Variants in TONSL observed in about 807,000 individuals in gnomAD.
The protein encoded by TONSL is tonsoku like, DNA repair protein.
In TONSL, 112 loss-of-function variants were observed where a neutral mutation model predicts 147.1. The ratio of observed to expected loss-of-function variants is 0.76; its 90% confidence interval spans 0.65 to 0.89. The LOEUF (loss-of-function observed/expected upper bound fraction) is 0.89. Ranked by LOEUF, TONSL falls within the 40% of genes least tolerant of loss-of-function variation. TONSL has a pLI of 0.00. For synonymous variants in TONSL, 868 were observed against 801.5 expected (o/e 1.08, Z -1.40); for missense variants, 1,883 against 1,864.6 (o/e 1.01, Z -0.18).
Position 144,442,258 on chromosome 8 carries a change from A to G in TONSL, c.733T>C (p.Cys245Arg). The change falls in exon 6 of 26, where the codon TGC (cysteine) becomes CGC (arginine). Residue 245 changes from cysteine to arginine, a missense_variant. By Grantham distance (180) the Cys-to-Arg change is radical. Transcript: ENST00000409379. Reference protein sequence around the residue: ...MRKRFMESECCVVIAQVLQDL... With the variant: ...MRKRFMESECRVVIAQVLQDL... ...GCGGGTACCTGTGCAATAACCACGC[A>G]GCACTCGCTCTCCATGAACCGCTTC... 6.3e-7 allele frequency: 1 copy of G among 1,591,128 alleles called. No individual in the cohort carries two copies. The highest frequency in any genetic ancestry group is 8.6e-7 in the Non-Finnish European group (1 of 1,164,824).
At chr8:144,433,311 C>T (rs1161296006) in intron 22 of TONSL, 10 of 337,888 alleles carry the variant, frequency 3.0e-5, no homozygotes, top group Admixed American at 9.2e-5. Flanking sequence ...ATCCTGACCT[C>T]GTGATCTGCC....
chr8:144,436,783 C>G lies in TONSL; in HGVS notation c.1864G>C (p.Ala622Pro), dbSNP rs1304435890. The G allele has an allele frequency of 1.2e-6, 2 of 1,610,978 alleles. No individual in the cohort carries two copies. The highest frequency in any genetic ancestry group is 1.7e-6 in the Non-Finnish European group (2 of 1,179,716). Residue 622 changes from alanine (A) to proline (P), a missense_variant, in exon 15 of 26, where the codon GCG becomes CCG. Ala to Pro is a conservative substitution (Grantham distance 27). Transcript: ENST00000409379. ...EVAELLLERG[A>P]SVTLRTRKGL... ...TTTCGAGTGCGGAGGGTGACGGACGCCCCCCGTTCAAGCAGCAGCTCAGCC... is the reference window on the plus strand; with the variant it reads ...TTTCGAGTGCGGAGGGTGACGGACGGCCCCCGTTCAAGCAGCAGCTCAGCC...
In TONSL at chr8:144,432,412, G is replaced by A. The variant is rs781938777; in HGVS notation, c.3608C>T (p.Ala1203Val). The A allele has an allele frequency of 6.3e-7, 1 of 1,588,142 alleles. No individual in the cohort carries two copies. The highest frequency in any genetic ancestry group is 8.5e-7 in the Non-Finnish European group (1 of 1,169,756). Residue 1203 changes from alanine to valine, a missense_variant, in exon 23 of 26, where the codon GCC (alanine) becomes GTC (valine). By Grantham distance (64) the Ala-to-Val change is moderately conservative (BLOSUM62 0). Coordinates refer to ENST00000409379, the MANE Select transcript of TONSL (RefSeq NM_013432.5). ...CTGCAGGGTCCTGGCCAGGGCAGGG[G>A]CTCCCAGGGCGTTGTAGGACAGGGA... Reference protein sequence around the residue: ...TLSLSYNALGAPALARTLQSL... With the variant: ...TLSLSYNALGVPALARTLQSL...
chr8:144,432,423 G>T lies in TONSL; in HGVS notation c.3597C>A (p.Asn1199Lys). 1 of 1,581,784 alleles carries T rather than the reference G, an allele frequency of 6.3e-7. No individual in the cohort carries two copies. Among genetic ancestry groups the T allele is most frequent in the African/African-American group, 1.4e-5 (1 of 73,518 alleles). Residue 1199 changes from asparagine to lysine, a missense_variant, in exon 23 of 26, where the codon AAC (asparagine) becomes AAA (lysine). Transcript: ENST00000409379. The stretch of plus-strand genomic sequence containing the variant: ...TGGCCAGGGCAGGGGCTCCCAGGGC[G>T]TTGTAGGACAGGGACAGGGTCTTCA... ...EHLKTLSLSY[N>K]ALGAPALART...
Position 144,435,761 on chromosome 8 carries a change from A to C in TONSL, c.2672T>G (p.Val891Gly), listed in dbSNP as rs141838241. 1 of 1,612,862 alleles carries C rather than the reference A, an allele frequency of 6.2e-7. No homozygotes were observed. The highest frequency in any genetic ancestry group is 8.5e-7 in the Non-Finnish European group (1 of 1,179,914). ...AGCCAGGCTGCTGGGCCCTGCGTTA[A>C]CTGGCGCACTGCAACTCTGCATGCA... ...LTCMQSCSAP[V>G]NAGPSSLASE... The change falls in exon 17 of 26, where the codon GTT (valine) becomes GGT (glycine). Residue 891 changes from valine (V) to glycine (G), a missense_variant. Physicochemically the swap from Val to Gly is moderately radical, Grantham distance 109 (BLOSUM62 -3). Coordinates refer to ENST00000409379, the MANE Select transcript of TONSL (RefSeq NM_013432.5).
rs114816958 is a variant in TONSL, at chr8:144,436,544, G to A, written c.2014+14C>T. The stretch of plus-strand genomic sequence containing the variant: ...AGGCACAGCAACCCCAGGGACAAGG[G>A]ACGCCCTGCTTGCCTTGGCCCGAGG... On this transcript the variant is annotated intron_variant, in intron 16 of 25. Transcript: ENST00000409379. 556 of 1,607,846 alleles carry A rather than the reference G, an allele frequency of 3.5e-4. No individual in the cohort carries two copies. The African/African-American group carries it at 6.9e-3, about 20-fold the overall frequency.
At position 144,430,525 on chromosome 8, in the gene TONSL, C is replaced by G. The variant is rs1399636757; in HGVS notation, c.3822G>C (p.Leu1274=). 3 of 1,610,912 alleles carry G rather than the reference C, an allele frequency of 1.9e-6. No homozygotes were observed. In the Admixed American group the frequency reaches 5.1e-5, roughly 27 times the overall value. Residue 1274 remains leucine (L), a synonymous_variant, in exon 25 of 26, where the codon CTG becomes CTC. Coordinates refer to ENST00000409379, the MANE Select transcript of TONSL (RefSeq NM_013432.5). ...AVRDLCRCLS[L]CPSLISLDLS... is the part of the protein sequence containing the mutation. Reference sequence around the variant, plus strand: ...GATCCAGTGAGATGAGTGAGGGGCACAGAGAGAGACATCTGAGATAACATG... The same window carrying G: ...GATCCAGTGAGATGAGTGAGGGGCAGAGAGAGAGACATCTGAGATAACATG...
At chr8:144,439,540 A>G (rs1823620656) in intron 11 of TONSL, among the ~76,000 whole-genome samples, 1 of 151,848 alleles carries the variant, frequency 6.6e-6, no homozygotes, top group African/African-American at 2.4e-5. Flanking sequence ...CTACCCGCTA[A>G]CCCCGCTCTC....
chr8:144,436,766 G>T lies in TONSL; in HGVS notation c.1881C>A (p.Arg627=). 6.2e-7 allele frequency: 1 copy of T among 1,611,048 alleles called. No homozygotes were observed. The change falls in exon 15 of 26, where the codon CGC becomes CGA. Residue 627 remains arginine, a synonymous_variant. Coordinates refer to ENST00000409379, the MANE Select transcript of TONSL (RefSeq NM_013432.5). ...GCCCCACCAGGCTCACCTTTCGAGTGCGGAGGGTGACGGACGCCCCCCGTT... is the reference window on the plus strand; with the variant it reads ...GCCCCACCAGGCTCACCTTTCGAGTTCGGAGGGTGACGGACGCCCCCCGTT... ...LLERGASVTL[R]TRKGLSPLET...
At chr8:144,442,962 A>G (rs1823776694) in intron 4 of TONSL, 156 bp from the exon 5 acceptor site, 1 of 1,246,712 alleles carries the variant, frequency 8.0e-7, no homozygotes, top group South Asian at 1.5e-5. Flanking sequence ...CAGAGTGGAT[A>G]AAGAGCTGAC....
chr8:144,428,983 G>T lies in TONSL; in HGVS notation c.*160C>A. 1 of 797,504 alleles carries T rather than the reference G, an allele frequency of 1.3e-6. No homozygotes were observed. The allele number at this position is 797,504 out of a possible 1,614,324, so 49.4% of individuals were successfully genotyped here. ...TTTTGGTATTTTTAGTAGAGACGGG[G>T]TTTCACCATGTTAGCCAGGATGGTC... On this transcript the variant is annotated 3_prime_UTR_variant, in exon 26 of 26. Coordinates refer to ENST00000409379, the MANE Select transcript of TONSL (RefSeq NM_013432.5).
chr8:144,438,381 A>C, intron 13 of TONSL, 90 bp downstream of exon 13: 1 of 1,383,392 alleles, frequency 7.2e-7, no homozygotes, highest in Non-Finnish European at 9.9e-7. Flanking sequence ...AAGATGAGGA[A>C]GTTGAGAGTT....
intron 22 of TONSL, chr8:144,432,750 GTGCACTGACCAT>G (rs1385375517): frequency 6.5e-6 from 2 of 309,252 alleles, no homozygotes; most frequent in African/African-American, 4.3e-5. Context: ...TGCCAGGGGA[GTGCACTGACCAT>G]TGCTGCCCCC....
At position 144,440,072 on chromosome 8, in the gene TONSL, T is replaced by G. The variant is rs1203932874; in HGVS notation, c.1429A>C (p.Thr477Pro). ...EEEEAEEAAATAESEALEAGE... is the reference protein window; with the variant it reads ...EEEEAEEAAAPAESEALEAGE... ...GCCTCCAGGGCTTCGCTCTCCGCTGTGGCTGCCGCCTCCTCCGCCTCCTCC... is the reference window on the plus strand; with the variant it reads ...GCCTCCAGGGCTTCGCTCTCCGCTGGGGCTGCCGCCTCCTCCGCCTCCTCC... The change falls in exon 11 of 26, where the codon ACA becomes CCA. Residue 477 changes from threonine (T) to proline (P), a missense_variant. By Grantham distance (38) the Thr-to-Pro change is conservative. Coordinates refer to ENST00000409379, the MANE Select transcript of TONSL (RefSeq NM_013432.5). 3 of 1,591,270 alleles carry G rather than the reference T, an allele frequency of 1.9e-6. No homozygotes were observed. Among genetic ancestry groups the G allele is most frequent in the Non-Finnish European group, 2.6e-6 (3 of 1,160,952 alleles).
chr8:144,430,295 G>T, intron 25 of TONSL, 109 bp downstream of exon 25: 1 of 1,320,128 alleles, frequency 7.6e-7, no homozygotes, highest in Non-Finnish European at 1.0e-6. Context: ...GCCCAGCCTT[G>T]CTGCCTGGCT....
intron 24 of TONSL, 41 bp from the exon 25 acceptor site, chr8:144,430,578 A>T (rs1211884270): frequency 1.3e-6 from 2 of 1,575,774 alleles, no homozygotes; most frequent in East Asian, 2.3e-5. Flanking sequence ...TGGCTTCCAG[A>T]GAGGCTGTGC....
chr8:144,433,966 CTG>C lies in TONSL; in HGVS notation c.3387+10_3387+11del, dbSNP rs782173039. On this transcript the variant is annotated intron_variant, in intron 21 of 25. Coordinates refer to ENST00000409379, the MANE Select transcript of TONSL (RefSeq NM_013432.5). ...CCCGCTGTTGAGGGCCTGCTGCTCT[CTG>C]TGCCTATACCTGCAAGGTGGCTTGG... 9.6e-6 allele frequency: 15 copies of C among 1,561,568 alleles called. No individual in the cohort carries two copies. The African/African-American group carries it at 1.8e-4, about 18-fold the overall frequency.
Position 144,442,354 on chromosome 8 carries a change from A to G in TONSL, c.637T>C (p.Trp213Arg). ...GCCTGGGAGTGCTGGCCCGCGCGCCAGTGGATGGTGCCCAGGTTGTAGCGG... is the reference window on the plus strand; with the variant it reads ...GCCTGGGAGTGCTGGCCCGCGCGCCGGTGGATGGTGCCCAGGTTGTAGCGG... ...RARYNLGTIH[W>R]RAGQHSQAMR... Residue 213 changes from tryptophan (W) to arginine (R), a missense_variant, in exon 6 of 26, where the codon TGG (tryptophan) becomes CGG (arginine). Trp to Arg is a moderately radical substitution (Grantham distance 101). Transcript: ENST00000409379. The G allele has an allele frequency of 6.3e-7, 1 of 1,590,006 alleles. No individual in the cohort carries two copies. Among genetic ancestry groups the G allele is most frequent in the Non-Finnish European group, 8.6e-7 (1 of 1,164,414 alleles).
At position 144,444,241 on chromosome 8, in the gene TONSL, G is replaced by T. The variant is rs1823826726; in HGVS notation, c.60C>A (p.Ala20=). 2 of 1,456,640 alleles carry T rather than the reference G, an allele frequency of 1.4e-6. No individual in the cohort carries two copies. The highest frequency in any genetic ancestry group is 2.6e-5 in the South Asian group (2 of 75,784). 90.2% of individuals were successfully genotyped at this position (1,456,640 alleles called of 1,614,324 possible). The change falls in exon 2 of 26, where the codon GCC becomes GCA. Residue 20 remains alanine (A), a synonymous_variant. Transcript: ENST00000409379. ...GCGCGGCCTCTTCGCGCCGCTGCCC[G>T]GCCCTCTGCGCCTTGGCTTTCGCCT... ...LSKAKAKAQR[A]GQRREEAALC...
Sources: allele counts gnomAD v4.1 joint callset (sites outside exome capture counted in the v4.1 genomes callset), GRCh38; gene constraint gnomAD v4.1.1; transcripts MANE v1.5; gene names NCBI Gene and HGNC (gene_info 2026-07-23, HGNC 2026-07-21).